Variants in TFEC observed in about 807,000 individuals in gnomAD.
TFEC encodes the protein class E basic helix-loop-helix protein 34.
Under a neutral mutation model 41.6 loss-of-function variants are expected in TFEC, and 31 were observed. The ratio of observed to expected loss-of-function variants is 0.74; its 90% confidence interval spans 0.56 to 1.01. TFEC has a LOEUF of 1.01. TFEC is among the 50% of genes least tolerant of loss of function. The probability of loss-of-function intolerance (pLI) is 0.00; values close to 1 mark genes in which losing one functional copy is unlikely to be tolerated. For synonymous variants in TFEC, 143 were observed against 140.6 expected (o/e 1.02, Z -0.12); for missense variants, 402 against 404.1 (o/e 0.99, Z 0.04).
chr7:116,074,041 C>G (rs1796894086), intron 3 of TFEC, among the ~76,000 whole-genome samples: 1 of 151,870 alleles, frequency 6.6e-6, no homozygotes, highest in Non-Finnish European at 1.5e-5. Context: ...TGGACCCCTT[C>G]TTCACAACAA....
intron 3 of TFEC, among the ~76,000 whole-genome samples, chr7:116,069,209 T>C (rs947219325): frequency 6.6e-6 from 1 of 151,558 alleles, no homozygotes; most frequent in African/African-American, 2.4e-5. Context: ...CTGGCAAAAT[T>C]GATTAGAAGA....
chr7:116,039,761 G>C (rs2130918317), intron 3 of TFEC, among the ~76,000 whole-genome samples: 1 of 151,850 alleles, frequency 6.6e-6, no homozygotes, highest in African/African-American at 2.4e-5. Context: ...TTCCTTTGGT[G>C]GTTAAAAAAC....
chr7:116,107,630 A>T (rs1797750881), intron 3 of TFEC, among the ~76,000 whole-genome samples: 1 of 152,168 alleles, frequency 6.6e-6, no homozygotes. Flanking sequence ...TCTTTCCTGG[A>T]AATAGCAGCC....
chr7:115,968,586 A>G (rs1346184535), intron 3 of TFEC, among the ~76,000 whole-genome samples: 1 of 151,930 alleles, frequency 6.6e-6, no homozygotes, highest in East Asian at 1.9e-4. Flanking sequence ...TCTCTGAAAG[A>G]AAGGGGTGAA....
chr7:115,968,117 T>C (rs1792957144), intron 3 of TFEC: 1 of 1,442,262 alleles, frequency 6.9e-7, no homozygotes, highest in Non-Finnish European at 9.2e-7. Context: ...GTTTATAAAG[T>C]TTAAATTCAG....
chr7:116,075,327 A>G (rs73448957), intron 3 of TFEC, among the ~76,000 whole-genome samples: 8,534 of 152,200 alleles, frequency 0.056, 349 homozygotes, highest in African/African-American at 0.12. Flanking sequence ...GGAGACTCAC[A>G]TCATGAAATT....
At chr7:116,134,729 C>T (rs1399999616) in intron 1 of TFEC, among the ~76,000 whole-genome samples, 2 of 152,162 alleles carry the variant, frequency 1.3e-5, no homozygotes, top group Admixed American at 6.5e-5. Context: ...TCTAATTATA[C>T]ACATCTTACA....
At chr7:116,047,909 G>T (rs1312937138) in intron 3 of TFEC, among the ~76,000 whole-genome samples, 1 of 152,186 alleles carries the variant, frequency 6.6e-6, no homozygotes. Flanking sequence ...CAACAGACCT[G>T]CAGCTGAGGG....
intron 1 of TFEC, among the ~76,000 whole-genome samples, chr7:116,024,351 A>C (rs1178119120): frequency 6.6e-6 from 1 of 152,182 alleles, no homozygotes; most frequent in Non-Finnish European, 1.5e-5. Context: ...GTTTAAATTT[A>C]AAAGGGTCCT....
intron 1 of TFEC, among the ~76,000 whole-genome samples, chr7:116,112,697 C>T (rs376420316): frequency 1.2e-4 from 18 of 152,000 alleles, no homozygotes; most frequent in Non-Finnish European, 2.1e-4. Flanking sequence ...AAGAACCACA[C>T]GGCTCTAAAT....
chr7:116,141,316 TA>T (rs778978290), intron 1 of TFEC, among the ~76,000 whole-genome samples: 99 of 152,108 alleles, frequency 6.5e-4, no homozygotes, highest in Middle Eastern at 3.4e-3. Context: ...GTTAATGTCA[TA>T]AATAATAAAT....
chr7:116,133,383 CTACTAAGAATACAAAAAT>C (rs1280217921), intron 1 of TFEC, among the ~76,000 whole-genome samples: 1 of 152,132 alleles, frequency 6.6e-6, no homozygotes, highest in Non-Finnish European at 1.5e-5. Context: ...AACCCCATCT[CTACTAAGAATACAAAAAT>C]TAGCCAGACG....
At chr7:116,016,343 C>T (rs2084387363) in intron 1 of TFEC, among the ~76,000 whole-genome samples, 1 of 152,162 alleles carries the variant, frequency 6.6e-6, no homozygotes, top group Non-Finnish European at 1.5e-5. Flanking sequence ...TCAGACTAGG[C>T]ACCTTCTTCT....
chr7:116,155,663 G>A (rs1427589001), intron 1 of TFEC, among the ~76,000 whole-genome samples: 5 of 152,184 alleles, frequency 3.3e-5, no homozygotes, highest in Non-Finnish European at 7.3e-5. Flanking sequence ...CATCTCCAAA[G>A]CACGGTCCTC....
chr7:116,074,988 G>C (rs895692763), intron 3 of TFEC, among the ~76,000 whole-genome samples: 1 of 152,082 alleles, frequency 6.6e-6, no homozygotes, highest in Non-Finnish European at 1.5e-5. Flanking sequence ...GCTAAATCTC[G>C]AAAACGTTAT....
intron 1 of TFEC, among the ~76,000 whole-genome samples, chr7:116,026,985 T>C (rs753628943): frequency 9.9e-5 from 15 of 152,168 alleles, no homozygotes; most frequent in Admixed American, 4.6e-4. Flanking sequence ...GCCTAGAATT[T>C]TACCAGAATT....
chr7:116,106,301 G>A (rs1252718294), intron 3 of TFEC, among the ~76,000 whole-genome samples: 1 of 152,102 alleles, frequency 6.6e-6, no homozygotes, highest in Non-Finnish European at 1.5e-5. Flanking sequence ...AGTCTCTAAG[G>A]CTTAGAATCT....
At chr7:116,126,810 T>G (rs1798219579) in intron 1 of TFEC, among the ~76,000 whole-genome samples, 1 of 151,868 alleles carries the variant, frequency 6.6e-6, no homozygotes, top group African/African-American at 2.4e-5. Flanking sequence ...AAAAACTATT[T>G]CAACAAAAAG....
At chr7:116,101,724 T>C (rs1367709795) in intron 3 of TFEC, among the ~76,000 whole-genome samples, 1 of 152,128 alleles carries the variant, frequency 6.6e-6, no homozygotes, top group Non-Finnish European at 1.5e-5. Flanking sequence ...GAATGTATTG[T>C]AAATTATTAA....
Sources: gnomAD v4.1 joint callset for allele counts (sites outside exome capture counted in the v4.1 genomes callset) on GRCh38, gnomAD v4.1.1 for gene constraint, MANE v1.5 for transcripts, NCBI Gene and HGNC (gene_info 2026-07-23, HGNC 2026-07-21) for gene names.